The following PDGFC variants were observed in gnomAD, a reference collection of about 807,000 sequenced individuals.
The protein encoded by PDGFC is platelet derived growth factor C, also known as platelet-derived growth factor C.
In PDGFC, 12 loss-of-function variants were observed where a neutral mutation model predicts 35.5. That is an observed-to-expected ratio of 0.34 (90% confidence interval 0.22 to 0.55). The LOEUF (loss-of-function observed/expected upper bound fraction) is 0.55, where lower values mean the gene tolerates loss of function less well. PDGFC is among the 20% of genes least tolerant of loss of function. PDGFC has a pLI of 0.91. For synonymous variants in PDGFC, 159 were observed against 148.8 expected (o/e 1.07, Z -0.50); for missense variants, 322 against 412.4 (o/e 0.78, Z 1.90).
intron 1 of PDGFC, among the ~76,000 whole-genome samples, chr4:156,853,495 C>A (rs901874890): frequency 6.6e-5 from 10 of 152,116 alleles, no homozygotes; most frequent in Non-Finnish European, 1.2e-4. Flanking sequence ...CTATACAGAA[C>A]ATGTTTCCTC....
At chr4:156,914,872 G>A (rs1579096605) in intron 1 of PDGFC, among the ~76,000 whole-genome samples, 1 of 100,802 alleles carries the variant, frequency 9.9e-6, no homozygotes, top group East Asian at 3.7e-4. Flanking sequence ...TAAATACTAT[G>A]ACAGACTGGC....
chr4:156,822,459 T>C (rs1284563092), intron 2 of PDGFC, among the ~76,000 whole-genome samples: 1 of 150,410 alleles, frequency 6.6e-6, no homozygotes, highest in Non-Finnish European at 1.5e-5. Flanking sequence ...AGGAAGCACA[T>C]ACAATATTAC....
intron 1 of PDGFC, among the ~76,000 whole-genome samples, chr4:156,920,688 CACAT>C (rs1289067545): frequency 4.7e-4 from 66 of 141,536 alleles, no homozygotes; most frequent in Admixed American, 2.8e-3. Context: ...CACACACACA[CACAT>C]ATACACACAC....
chr4:156,884,082 T>C (rs903285280), intron 1 of PDGFC, among the ~76,000 whole-genome samples: 2 of 152,188 alleles, frequency 1.3e-5, no homozygotes, highest in African/African-American at 4.8e-5. Context: ...GGAACGCATG[T>C]CCTACTTAAA....
intron 1 of PDGFC, among the ~76,000 whole-genome samples, chr4:156,852,288 G>T (rs1479570997): frequency 2.0e-5 from 3 of 152,128 alleles, no homozygotes; most frequent in African/African-American, 7.2e-5. Context: ...AAGTATCATT[G>T]TATTCACTGC....
chr4:156,789,180 T>C (rs193122811), intron 3 of PDGFC, among the ~76,000 whole-genome samples: 18 of 152,314 alleles, frequency 1.2e-4, no homozygotes, highest in African/African-American at 3.8e-4. Context: ...GTTGGTAAGA[T>C]GTGAGGTTTT....
At chr4:156,942,130 C>T (rs1016092574) in intron 1 of PDGFC, among the ~76,000 whole-genome samples, 2 of 151,814 alleles carry the variant, frequency 1.3e-5, no homozygotes, top group Admixed American at 1.3e-4. Context: ...CCCTTGTTGA[C>T]CATAAAAGGG....
intron 3 of PDGFC, among the ~76,000 whole-genome samples, chr4:156,780,442 A>G (rs939211380): frequency 8.5e-5 from 13 of 152,198 alleles, no homozygotes; most frequent in African/African-American, 2.9e-4. Context: ...TTTATCCTAC[A>G]GTACAATATT....
chr4:156,944,927 G>T (rs927654339), intron 1 of PDGFC, among the ~76,000 whole-genome samples: 1 of 151,386 alleles, frequency 6.6e-6, no homozygotes, highest in Non-Finnish European at 1.5e-5. Context: ...TCTGACCCAG[G>T]GCATTTGCCT....
At chr4:156,902,910 A>C (rs1350543560) in intron 1 of PDGFC, among the ~76,000 whole-genome samples, 1 of 152,194 alleles carries the variant, frequency 6.6e-6, no homozygotes, top group African/African-American at 2.4e-5. Flanking sequence ...CGGAGCAAAA[A>C]AACAGGCACT....
chr4:156,811,265 A>G (rs1731925311), intron 2 of PDGFC, among the ~76,000 whole-genome samples: 1 of 152,054 alleles, frequency 6.6e-6, no homozygotes, highest in Admixed American at 6.6e-5. Flanking sequence ...TCATTAAATA[A>G]CCATCCTAAA....
chr4:156,929,702 C>T (rs1560878034), intron 1 of PDGFC, among the ~76,000 whole-genome samples: 1 of 152,192 alleles, frequency 6.6e-6, no homozygotes, highest in Non-Finnish European at 1.5e-5. Flanking sequence ...AAAGAGGGAG[C>T]TAGCACTCAA....
At chr4:156,847,084 CCTT>C (rs1335012815) in intron 2 of PDGFC, among the ~76,000 whole-genome samples, 1 of 151,546 alleles carries the variant, frequency 6.6e-6, no homozygotes, top group African/African-American at 2.4e-5. Flanking sequence ...GACAGACAAA[CCTT>C]CTTTGCTGAA....
At chr4:156,778,248 T>C (rs756438521) in intron 3 of PDGFC, 3 of 355,908 alleles carry the variant, frequency 8.4e-6, no homozygotes, top group Non-Finnish European at 1.8e-5. Flanking sequence ...AGTTTTCTCT[T>C]GCCAAAACGA....
chr4:156,913,183 C>T (rs537926523), intron 1 of PDGFC, among the ~76,000 whole-genome samples: 2 of 152,208 alleles, frequency 1.3e-5, no homozygotes, highest in Non-Finnish European at 2.9e-5. Context: ...TCTCCAGTAC[C>T]AGTCCTTACC....
intron 1 of PDGFC, among the ~76,000 whole-genome samples, chr4:156,951,790 A>T (rs1313022358): frequency 6.6e-6 from 1 of 151,556 alleles, no homozygotes; most frequent in African/African-American, 2.4e-5. Flanking sequence ...TGCACAAGGG[A>T]TCAAGTTAAG....
intron 2 of PDGFC, among the ~76,000 whole-genome samples, chr4:156,826,174 A>AATTTTGTTTT (rs1288749370): frequency 2.3e-5 from 1 of 43,768 alleles, no homozygotes; most frequent in African/African-American, 8.1e-5. Flanking sequence ...TTTGAGTTGG[A>AATTTTGTTTT]TTTTTTTTTT....
chr4:156,765,078 T>C (rs10010158), intron 5 of PDGFC, among the ~76,000 whole-genome samples: 18,175 of 152,204 alleles, frequency 0.12, 1,492 homozygotes, highest in African/African-American at 0.22. Flanking sequence ...CCTGTCTTTG[T>C]CTGCTGATGC....
At chr4:156,914,567 CCAAATAATTCAACCTCCTTACTAA>C (rs1186233420) in intron 1 of PDGFC, among the ~76,000 whole-genome samples, 4 of 152,194 alleles carry the variant, frequency 2.6e-5, no homozygotes, top group Admixed American at 1.3e-4. Context: ...GTCAGATTCA[CCAAATAATTCAACCTCCTTACTAA>C]AGCCTATCCA....
Sources: allele counts gnomAD v4.1 joint callset (sites outside exome capture counted in the v4.1 genomes callset), GRCh38; gene constraint gnomAD v4.1.1; transcripts MANE v1.5; gene names NCBI Gene and HGNC (gene_info 2026-07-23, HGNC 2026-07-21).